The following EPSTI1 variants were observed in gnomAD, a reference collection of about 807,000 sequenced individuals.
EPSTI1 encodes epithelial-stromal interaction protein 1.
In EPSTI1, 66 loss-of-function variants were observed where a neutral mutation model predicts 49.9. The observed-to-expected ratio is 1.32, with a 90% CI of 1.08 to 1.62. The LOEUF is 1.62. Among genes scored for constraint, EPSTI1 ranks in the 40% most tolerant of loss-of-function variants. The pLI, the probability that EPSTI1 is intolerant of heterozygous loss-of-function variation, is 0.00. For synonymous variants in EPSTI1, 137 were observed against 130.7 expected, an observed-to-expected ratio of 1.05 and a Z score of -0.33; for missense variants, 394 against 365.5, an observed-to-expected ratio of 1.08 and a Z score of -0.64.
At chr13:42,944,726 G>A (rs985952663) in intron 6 of EPSTI1, among the ~76,000 whole-genome samples, 5 of 152,300 alleles carry the variant, frequency 3.3e-5, no homozygotes, top group Non-Finnish European at 5.9e-5. Context: ...GTGTTCTCCT[G>A]TTGAAAGTAA....
At chr13:42,988,068 T>C (rs1423150666) in intron 1 of EPSTI1, among the ~76,000 whole-genome samples, 1 of 152,216 alleles carries the variant, frequency 6.6e-6, no homozygotes, top group Non-Finnish European at 1.5e-5. Flanking sequence ...TTTATTTTCT[T>C]CAAACAGCAT....
At chr13:42,948,538 A>G (rs1168528415) in intron 6 of EPSTI1, among the ~76,000 whole-genome samples, 2 of 149,752 alleles carry the variant, frequency 1.3e-5, no homozygotes, top group Non-Finnish European at 2.9e-5. Context: ...CAGTGGCGGC[A>G]TGACCATAGC....
At position 42,895,070 on chromosome 13, in the gene EPSTI1, CTT is replaced by C. The variant is rs1566094988; in HGVS notation, c.852_853del (p.Gln286ThrfsTer15). 1 of 1,613,620 alleles carries C rather than the reference CTT, an allele frequency of 6.2e-7. No individual in the cohort carries two copies. Among genetic ancestry groups the C allele is most frequent in the South Asian group, 1.1e-5 (1 of 90,938 alleles). Reference sequence around the variant, plus strand: ...AGATTGCTCGAGGCCACCTGGTTGACTTTTGCCTTGGAGTCGGTCCAGAAAAG... The same window carrying C: ...AGATTGCTCGAGGCCACCTGGTTGACTTGCCTTGGAGTCGGTCCAGAAAAG... On this transcript the variant is annotated frameshift_variant, in exon 10 of 11. Coordinates refer to ENST00000313624, the MANE Select transcript of EPSTI1 (RefSeq NM_033255.5). LOFTEE classifies it high-confidence loss of function.
rs549150890 is a variant in EPSTI1 at position 42,911,264 on chromosome 13, T to TGTGTGCAC, written c.741+6276_741+6277insGTGCACAC. On this transcript the variant is annotated intron_variant, in intron 8 of 10. Coordinates refer to ENST00000313624, the MANE Select transcript of EPSTI1 (RefSeq NM_033255.5). ...GAGAGAGTGTGTGTGTGTGTGTGTGTGCGCGCGCACGCGCGCACACGTGTG... is the reference window on the plus strand; with the variant it reads ...GAGAGAGTGTGTGTGTGTGTGTGTGTGTGTGCACGCGCGCGCACGCGCGCACACGTGTG... Among the ~76,000 whole-genome samples the TGTGTGCAC allele has an allele frequency of 2.2e-4, 33 of 148,550 alleles. No individual in the cohort carries two copies. In the South Asian group the frequency reaches 2.7e-3, roughly 12 times the overall value.
chr13:42,962,602 T>A (rs1190923400), intron 5 of EPSTI1, among the ~76,000 whole-genome samples: 2 of 141,404 alleles, frequency 1.4e-5, no homozygotes, highest in Non-Finnish European at 3.1e-5. Context: ...AAACCCTCCC[T>A]GTCTCTACAA....
intron 6 of EPSTI1, among the ~76,000 whole-genome samples, chr13:42,935,695 G>T (rs190850431): frequency 3.9e-5 from 6 of 152,244 alleles, no homozygotes; most frequent in Admixed American, 3.9e-4. Context: ...AGGTTCAAGT[G>T]ATTCTCTTGC....
intron 2 of EPSTI1, 183 bp downstream of exon 2, chr13:42,970,429 C>T (rs2039736869): frequency 2.1e-6 from 1 of 477,498 alleles, no homozygotes; most frequent in African/African-American, 2.0e-5. Flanking sequence ...CGTAGAGAAA[C>T]AAACTTAGAA....
chr13:42,944,935 A>ACTCTG (rs1367655112), intron 6 of EPSTI1, among the ~76,000 whole-genome samples: 1 of 152,102 alleles, frequency 6.6e-6, no homozygotes, highest in Non-Finnish European at 1.5e-5. Flanking sequence ...CATGAGTCTC[A>ACTCTG]CTCTGGTCTT....
At chr13:42,939,254 G>A (rs2038672228) in intron 6 of EPSTI1, among the ~76,000 whole-genome samples, 1 of 152,136 alleles carries the variant, frequency 6.6e-6, no homozygotes, top group African/African-American at 2.4e-5. Flanking sequence ...CAGCTATTTT[G>A]CCTTCGTATC....
chr13:42,965,809 G>A (rs191764723), intron 3 of EPSTI1, among the ~76,000 whole-genome samples: 1 of 21,856 alleles, frequency 4.6e-5, no homozygotes, highest in Non-Finnish European at 1.1e-4. Context: ...CCTCTCCCTC[G>A]TCTCCCTCTC....
intron 9 of EPSTI1, among the ~76,000 whole-genome samples, chr13:42,899,796 G>A (rs1961384777): frequency 6.6e-6 from 1 of 152,080 alleles, no homozygotes; most frequent in Non-Finnish European, 1.5e-5. Flanking sequence ...TCTGATATTA[G>A]GATTAAGATG....
At chr13:42,937,169 T>C (rs1594683254) in intron 6 of EPSTI1, among the ~76,000 whole-genome samples, 1 of 152,306 alleles carries the variant, frequency 6.6e-6, no homozygotes, top group East Asian at 1.9e-4. Flanking sequence ...AGGTGTGCAA[T>C]AGCATTATGT....
rs1427609190 is a variant in EPSTI1, at chr13:42,922,384, A to T, written c.657+3952T>A. On this transcript the variant is annotated intron_variant, in intron 7 of 10. Coordinates refer to ENST00000313624, the MANE Select transcript of EPSTI1 (RefSeq NM_033255.5). The surrounding 1 kb of genome is among the most constrained non-coding windows in gnomAD (Gnocchi z 4.8). ...TGGGCCCATTGTAATCAAAAGGGTC[A>T]TTATAAGAGGAAGGCAGAAAGGTCA... Among the ~76,000 whole-genome samples the T allele has an allele frequency of 6.6e-6, 1 of 152,160 alleles. No homozygotes were observed. The highest frequency in any genetic ancestry group is 1.5e-5 in the Non-Finnish European group (1 of 68,036).
At chr13:42,928,590 T>G (rs1219084992) in intron 6 of EPSTI1, among the ~76,000 whole-genome samples, 1 of 152,218 alleles carries the variant, frequency 6.6e-6, no homozygotes, top group Non-Finnish European at 1.5e-5. Flanking sequence ...AAAATTTACT[T>G]ATGTCCAACT....
chr13:42,982,673 A>C (rs2040006271), intron 1 of EPSTI1, among the ~76,000 whole-genome samples: 1 of 152,192 alleles, frequency 6.6e-6, no homozygotes. Flanking sequence ...AATCATTTTA[A>C]AGCTATGATG....
At chr13:42,986,938 A>G (rs2040096080) in intron 1 of EPSTI1, among the ~76,000 whole-genome samples, 2 of 151,990 alleles carry the variant, frequency 1.3e-5, no homozygotes, top group African/African-American at 4.8e-5. Flanking sequence ...CAAAGTATCT[A>G]CCTAGAGTAT....
Position 42,970,642 on chromosome 13 carries a change from T to G in EPSTI1, c.217A>C (p.Asn73His). The G allele has an allele frequency of 6.2e-7, 1 of 1,611,198 alleles. No homozygotes were observed. The highest frequency in any genetic ancestry group is 1.7e-5 in the Admixed American group (1 of 59,662). Residue 73 changes from asparagine (N) to histidine (H), a missense_variant, in exon 2 of 11, where the codon AAT (asparagine) becomes CAT (histidine). Coordinates refer to ENST00000313624, the MANE Select transcript of EPSTI1 (RefSeq NM_033255.5). Reference protein sequence around the residue: ...RTSAYTLIAPNINRRNEIQRI... With the variant: ...RTSAYTLIAPHINRRNEIQRI... ...TGTATCTCATTTCTCCGGTTTATATTTGGTGCTATCAAGGTGTATGCACTT... is the reference window on the plus strand; with the variant it reads ...TGTATCTCATTTCTCCGGTTTATATGTGGTGCTATCAAGGTGTATGCACTT...
At chr13:42,978,192 C>A (rs527496783) in intron 1 of EPSTI1, among the ~76,000 whole-genome samples, 1 of 151,558 alleles carries the variant, frequency 6.6e-6, no homozygotes, top group East Asian at 1.9e-4. Flanking sequence ...AGGTTGAGGA[C>A]GCACCCATGA....
intron 7 of EPSTI1, among the ~76,000 whole-genome samples, chr13:42,919,806 G>A (rs1429213371): frequency 3.3e-5 from 5 of 152,168 alleles, no homozygotes; most frequent in African/African-American, 9.7e-5. Flanking sequence ...ATGAGCAAAT[G>A]GAAAATAGCA....
Sources: allele counts gnomAD v4.1 joint callset (sites outside exome capture counted in the v4.1 genomes callset), GRCh38; gene constraint gnomAD v4.1.1; non-coding constraint Gnocchi (gnomAD v3.1); transcripts MANE v1.5; gene names NCBI Gene and HGNC (gene_info 2026-07-23, HGNC 2026-07-21).